MGST1: variants seen among roughly 807,000 people sequenced by gnomAD.
MGST1 encodes glutathione S-transferase 12.
A neutral mutation model predicts 8.9 loss-of-function variants in MGST1; 5 were observed. That is an observed-to-expected ratio of 0.56 (90% CI 0.29 to 1.19). The LOEUF (loss-of-function observed/expected upper bound fraction) is 1.19. MGST1 is among the 50% of genes most tolerant of loss of function. MGST1 has a pLI of 0.08. For missense variants in MGST1, 182 were observed against 187.4 expected (o/e 0.97, Z 0.17); for synonymous variants, 54 against 67.8 (o/e 0.80, Z 1.00).
At chr12:16,574,180 AGG>A (rs1291536434) in intron 4 of MGST1, among the ~76,000 whole-genome samples, 1 of 152,156 alleles carries the variant, frequency 6.6e-6, no homozygotes, top group Non-Finnish European at 1.5e-5. Context: ...GGAAGACAGT[AGG>A]GCTAGAAATT....
At chr12:16,408,421 T>C (rs116576739) in intron 1 of MGST1, among the ~76,000 whole-genome samples, 2,583 of 152,278 alleles carry the variant, frequency 0.017, 78 homozygotes, top group African/African-American at 0.059. Flanking sequence ...GAAAGGTATT[T>C]TAATGAATAT....
At chr12:16,387,610 T>C (rs1940515467) in intron 1 of MGST1, among the ~76,000 whole-genome samples, 1 of 151,620 alleles carries the variant, frequency 6.6e-6, no homozygotes, top group African/African-American at 2.4e-5. Context: ...CACTGCAAGC[T>C]CCGCCTCCCA....
intron 4 of MGST1, among the ~76,000 whole-genome samples, chr12:16,473,569 A>G (rs1315322052): frequency 6.6e-6 from 1 of 152,226 alleles, no homozygotes; most frequent in African/African-American, 2.4e-5. Flanking sequence ...TCTGTAAGGA[A>G]CTAGAAATAA....
chr12:16,372,989 G>GTATATATTATATACTATATTATCATATAC (rs1940321639), intron 3 of MGST1, among the ~76,000 whole-genome samples: 2 of 122,804 alleles, frequency 1.6e-5, no homozygotes, highest in Non-Finnish European at 3.5e-5. Flanking sequence ...ATATAATATA[G>GTATATATTATATACTATATTATCATATAC]TATATATTAT....
At position 16,361,624 on chromosome 12, in the gene MGST1, G is replaced by T. The variant is rs1007586341; in HGVS notation, c.222-2171G>T. Among the ~76,000 whole-genome samples, 2 of 152,102 alleles carry T rather than the reference G, an allele frequency of 1.3e-5. No individual in the cohort carries two copies. Among genetic ancestry groups the T allele is most frequent in the Non-Finnish European group, 2.9e-5 (2 of 68,012 alleles). ...GAAGAGGGGAGGGTTAGGACGGAAG[G>T]GTGATAGTGCACTGCAGCAGGTGCT... is the stretch of plus-strand genomic sequence containing the variant. On this transcript the variant is annotated intron_variant, in intron 3 of 3. Transcript: ENST00000396210. The surrounding 1 kb of genome is among the most constrained non-coding windows in gnomAD (Gnocchi z 4.2).
intron 4 of MGST1, among the ~76,000 whole-genome samples, chr12:16,448,750 T>C (rs759721363): frequency 1.3e-5 from 2 of 151,972 alleles, no homozygotes; most frequent in Non-Finnish European, 2.9e-5. Context: ...CAGAGGATTT[T>C]GGAGGACCTT....
intron 4 of MGST1, among the ~76,000 whole-genome samples, chr12:16,510,105 C>T (rs1941566940): frequency 6.6e-6 from 1 of 152,206 alleles, no homozygotes; most frequent in Non-Finnish European, 1.5e-5. Flanking sequence ...AAAGGAAGCT[C>T]AGATAATCCT....
At chr12:16,492,061 A>G (rs1016173062) in intron 4 of MGST1, among the ~76,000 whole-genome samples, 1 of 152,230 alleles carries the variant, frequency 6.6e-6, no homozygotes, top group Non-Finnish European at 1.5e-5. Context: ...AAAGGTATGT[A>G]TGAAAAGTAT....
intron 3 of MGST1, among the ~76,000 whole-genome samples, chr12:16,374,393 C>T (rs1442053704): frequency 2.6e-5 from 4 of 151,988 alleles, no homozygotes; most frequent in Non-Finnish European, 5.9e-5. Context: ...GGAGAGATAG[C>T]ATATTATTCC....
intron 4 of MGST1, among the ~76,000 whole-genome samples, chr12:16,527,798 G>C (rs1941696890): frequency 1.3e-5 from 2 of 151,956 alleles, no homozygotes; most frequent in Non-Finnish European, 2.9e-5. Flanking sequence ...TGGAGTCTTT[G>C]CTGTGGTTGC....
chr12:16,575,184 TTC>T (rs1942955111), intron 4 of MGST1, among the ~76,000 whole-genome samples: 1 of 152,192 alleles, frequency 6.6e-6, no homozygotes, highest in African/African-American at 2.4e-5. Context: ...AAGCTCCCTA[TTC>T]TCTTTTGCAG....
intron 4 of MGST1, among the ~76,000 whole-genome samples, chr12:16,552,362 C>G (rs1942021796): frequency 6.6e-6 from 1 of 151,962 alleles, no homozygotes; most frequent in South Asian, 2.1e-4. Flanking sequence ...ATCAGATAGT[C>G]AATTTCAAAT....
At chr12:16,392,703 A>AAGTT (rs1940563249) in intron 1 of MGST1, among the ~76,000 whole-genome samples, 1 of 152,172 alleles carries the variant, frequency 6.6e-6, no homozygotes, top group African/African-American at 2.4e-5. Flanking sequence ...GAATACGGCC[A>AAGTT]AGTTATTTTC....
chr12:16,403,581 C>A (rs934900847), intron 1 of MGST1, among the ~76,000 whole-genome samples: 11 of 151,740 alleles, frequency 7.2e-5, no homozygotes, highest in African/African-American at 2.7e-4. Context: ...ACTTTTGCAC[C>A]AGCCTAATAT....
At chr12:16,430,268 A>T (rs951600341) in intron 1 of MGST1, among the ~76,000 whole-genome samples, 6 of 152,164 alleles carry the variant, frequency 3.9e-5, no homozygotes, top group African/African-American at 1.4e-4. Context: ...CTCATCCATG[A>T]GGTTTGGAAG....
At chr12:16,382,598 G>A (rs928721771), upstream of MGST1, among the ~76,000 whole-genome samples, 6 of 152,340 alleles carry the variant, frequency 3.9e-5, no homozygotes, top group Admixed American at 2.6e-4. Flanking sequence ...GGACCCACTT[G>A]AGGAGGCAGT....
chr12:16,450,764 G>A (rs974177569), intron 4 of MGST1, among the ~76,000 whole-genome samples: 6 of 151,794 alleles, frequency 4.0e-5, no homozygotes, highest in African/African-American at 9.7e-5. Context: ...AGCTCTGTTT[G>A]ATCAGGAAGA....
In MGST1 at chr12:16,497,317, T is replaced by C. The variant is rs1290633143; in HGVS notation, n.483-92211T>C. Among the ~76,000 whole-genome samples, 1 of 152,132 alleles carries C rather than the reference T, an allele frequency of 6.6e-6. No homozygotes were observed. Among genetic ancestry groups the C allele is most frequent in the Non-Finnish European group, 1.5e-5 (1 of 68,004 alleles). ...TCATGGAACAAATAATAGTTCTTTT[T>C]AATCATGGAAATGAGGTAGTGTTAA... On this transcript the variant is annotated intron_variant and non_coding_transcript_variant, in intron 4 of 4. Coordinates refer to the MGST1 transcript ENST00000538857. The surrounding 1 kb of genome is among the most constrained non-coding windows in gnomAD (Gnocchi z 4.4).
chr12:16,498,248 TA>T (rs1421810096), intron 4 of MGST1, among the ~76,000 whole-genome samples: 6 of 152,174 alleles, frequency 3.9e-5, no homozygotes, highest in Non-Finnish European at 7.4e-5. Flanking sequence ...GAAAGAGGCA[TA>T]ATGGTTATTC....
Sources: allele counts gnomAD v4.1 joint callset (sites outside exome capture counted in the v4.1 genomes callset), GRCh38; gene constraint gnomAD v4.1.1; non-coding constraint Gnocchi (gnomAD v3.1); transcripts MANE v1.5; gene names NCBI Gene and HGNC (gene_info 2026-07-23, HGNC 2026-07-21).